PHKA1: variants seen among roughly 807,000 people sequenced by gnomAD.
PHKA1 encodes phosphorylase b kinase regulatory subunit alpha, skeletal muscle isoform.
In PHKA1, 60 loss-of-function variants were observed where a neutral mutation model predicts 110.2. The observed-to-expected ratio is 0.54, with a 90% CI of 0.44 to 0.68. PHKA1 has a LOEUF of 0.68. PHKA1 is among the 30% of genes least tolerant of loss of function. PHKA1 has a pLI of 0.00. For synonymous variants in PHKA1, 316 were observed against 333.6 expected (o/e 0.95, Z 0.58); for missense variants, 801 against 942.5 (o/e 0.85, Z 1.97).
intron 6 of PHKA1, among the ~76,000 whole-genome samples, chrX:72,671,966 C>G (rs782701469): frequency 8.9e-6 from 1 of 112,050 alleles, no homozygotes; most frequent in African/African-American, 3.2e-5. Flanking sequence ...AAATGTTAGA[C>G]CTAAAACCAT....
chrX:72,708,937 G>T (rs2054328141), intron 2 of PHKA1, among the ~76,000 whole-genome samples: 1 of 111,615 alleles, frequency 9.0e-6, no homozygotes, highest in African/African-American at 3.3e-5. Flanking sequence ...ATATTGCCTG[G>T]GTGGTTGGTA....
At chrX:72,681,475 G>A (rs1556315223) in intron 5 of PHKA1, among the ~76,000 whole-genome samples, 1 of 91,608 alleles carries the variant, frequency 1.1e-5, no homozygotes, top group Non-Finnish European at 2.2e-5. Context: ...CCGGCCAGCC[G>A]TGCCATCCGG....
intron 8 of PHKA1, among the ~76,000 whole-genome samples, chrX:72,662,842 T>G (rs1232555845): frequency 1.8e-5 from 2 of 111,025 alleles, no homozygotes; most frequent in Non-Finnish European, 1.9e-5. Context: ...TGTGTCCACC[T>G]AGAACCAAAG....
chrX:72,608,748 G>A (rs970511702), intron 23 of PHKA1, among the ~76,000 whole-genome samples: 2 of 111,091 alleles, frequency 1.8e-5, no homozygotes, highest in African/African-American at 6.5e-5. Flanking sequence ...CAAAAAACAT[G>A]CTCTGGATAG....
intron 17 of PHKA1, among the ~76,000 whole-genome samples, chrX:72,625,255 G>A (rs1056853799): frequency 1.8e-5 from 2 of 111,291 alleles, no homozygotes; most frequent in African/African-American, 6.5e-5. Context: ...CCTACCTCTC[G>A]CCCTCCATCC....
chrX:72,693,414 A>G (rs970950245), intron 4 of PHKA1, among the ~76,000 whole-genome samples: 3 of 111,952 alleles, frequency 2.7e-5, no homozygotes, highest in Admixed American at 9.5e-5. Context: ...CTTTGGGAAA[A>G]GCTACAGAGC....
At chrX:72,605,505 A>G (rs1556249535) in intron 24 of PHKA1, 36 bp downstream of exon 24, 3 of 1,168,948 alleles carry the variant, frequency 2.6e-6, no homozygotes, top group South Asian at 1.8e-5. Context: ...ACTTTAAAAT[A>G]TCAGTCACCA....
At chrX:72,713,692 A>ACACACACACACACACC (rs1569455424) in intron 1 of PHKA1, 111 bp downstream of exon 1, 3 of 597,845 alleles carry the variant, frequency 5.0e-6, no homozygotes, top group Non-Finnish European at 5.6e-6. Flanking sequence ...ACACACACAC[A>ACACACACACACACACC]CACACACACC....
intron 5 of PHKA1, among the ~76,000 whole-genome samples, chrX:72,677,289 C>T (rs188660490): frequency 1.8e-3 from 204 of 112,407 alleles, no homozygotes; most frequent in African/African-American, 6.2e-3. Context: ...CGTCTTATTA[C>T]TGGTGATATT....
intron 6 of PHKA1, among the ~76,000 whole-genome samples, chrX:72,669,988 G>T (rs1412414281): frequency 4.6e-4 from 51 of 110,975 alleles, no homozygotes; most frequent in African/African-American, 1.6e-3. Context: ...CTAGTTTACA[G>T]TCCCACCAAC....
At chrX:72,623,038 A>G (rs2053001824) in intron 18 of PHKA1, 71 bp downstream of exon 18, 18 of 1,202,131 alleles carry the variant, frequency 1.5e-5, no homozygotes, top group Non-Finnish European at 1.9e-5. Flanking sequence ...AGCATAAATT[A>G]TTAAGGATGG....
At chrX:72,671,589 T>C (rs2053699741) in intron 6 of PHKA1, among the ~76,000 whole-genome samples, 1 of 111,240 alleles carries the variant, frequency 9.0e-6, no homozygotes, top group South Asian at 3.8e-4. Context: ...AAAACTACTT[T>C]AAAGTTCATA....
At chrX:72,669,422 C>T (rs1478273117) in intron 6 of PHKA1, among the ~76,000 whole-genome samples, 6 of 109,447 alleles carry the variant, frequency 5.5e-5, no homozygotes, top group Non-Finnish European at 1.1e-4. Context: ...GGTACATGTG[C>T]ACAACATGCA....
At position 72,637,530 on chromosome X, in the gene PHKA1, T is replaced by C. The variant is rs782748367; in HGVS notation, c.1460-1144A>G. Among the ~76,000 whole-genome samples the C allele has an allele frequency of 2.7e-5, 3 of 112,232 alleles. No homozygotes were observed. The East Asian group carries it at 8.4e-4, about 31-fold the overall frequency. ...TGCTGCACATTGATGTAGAAAATGTTCAAGTTCCTATTTTTACTTCTTTTG... is the reference window on the plus strand; with the variant it reads ...TGCTGCACATTGATGTAGAAAATGTCCAAGTTCCTATTTTTACTTCTTTTG... On this transcript the variant is annotated intron_variant, in intron 14 of 31. Coordinates refer to ENST00000373542, the MANE Select transcript of PHKA1 (RefSeq NM_002637.4).
intron 29 of PHKA1, 62 bp from the exon 30 acceptor site, chrX:72,584,364 G>A (rs1312932418): frequency 2.0e-5 from 20 of 1,018,170 alleles, no homozygotes; most frequent in Non-Finnish European, 2.5e-5. Flanking sequence ...GACAAACAAC[G>A]GGGAGGCTAT....
chrX:72,666,346 CT>C, intron 7 of PHKA1, 49 bp from the exon 8 acceptor site: 1 of 1,048,542 alleles, frequency 9.5e-7, no homozygotes. Context: ...TTTCTTCTCC[CT>C]TTACCCCAAT....
chrX:72,709,715 G>T (rs1471643217), intron 2 of PHKA1, among the ~76,000 whole-genome samples: 1 of 110,552 alleles, frequency 9.0e-6, no homozygotes, highest in African/African-American at 3.3e-5. Context: ...TATTTAAATT[G>T]TTCTAAGCTG....
intron 11 of PHKA1, among the ~76,000 whole-genome samples, chrX:72,653,227 T>C (rs782608578): frequency 5.4e-5 from 6 of 112,146 alleles, no homozygotes; most frequent in Non-Finnish European, 1.1e-4. Context: ...CTTGTCCTTG[T>C]CTGACTGTGC....
At chrX:72,640,864 C>T (rs2053288104) in intron 14 of PHKA1, among the ~76,000 whole-genome samples, 1 of 110,957 alleles carries the variant, frequency 9.0e-6, no homozygotes, top group African/African-American at 3.3e-5. Flanking sequence ...GATTTGTACA[C>T]AGGCAAGAAA....
Sources: gnomAD v4.1 joint callset for allele counts (sites outside exome capture counted in the v4.1 genomes callset) on GRCh38, gnomAD v4.1.1 for gene constraint, MANE v1.5 for transcripts, NCBI Gene and HGNC (gene_info 2026-07-23, HGNC 2026-07-21) for gene names.